The following CLIP1 variants were observed in gnomAD, a reference collection of about 807,000 sequenced individuals.
CLIP1 encodes CAP-Gly domain containing linker protein 1.
Under a neutral mutation model 161.6 loss-of-function variants are expected in CLIP1, and 66 were observed. The observed-to-expected ratio is 0.41, with a 90% CI of 0.33 to 0.50. The LOEUF is 0.50. Among genes scored for constraint, CLIP1 ranks in the 20% least tolerant of loss-of-function variants. The pLI is 0.27. For missense variants in CLIP1, 1,376 were observed against 1,702.0 expected (o/e 0.81, Z 3.37); for synonymous variants, 598 against 626.2 (o/e 0.96, Z 0.67).
chr12:122,304,213 T>C (rs1950786726), intron 20 of CLIP1, among the ~76,000 whole-genome samples: 1 of 152,204 alleles, frequency 6.6e-6, no homozygotes, highest in African/African-American at 2.4e-5. Context: ...TTCTTCAGTC[T>C]AATTTTTTCC....
In CLIP1 at chr12:122,311,069, A is replaced by G. The variant is rs1951046441; in HGVS notation, c.3474-1187T>C. On this transcript the variant is annotated intron_variant, in intron 19 of 25. Transcript: ENST00000620786. The surrounding 1 kb of genome is among the most constrained non-coding windows in gnomAD (Gnocchi z 4.3). Reference sequence around the variant, plus strand: ...ATTTTAGCCTCAGCTAGTCACTCACAAAAGAGATGCATATATATGAATCTC... The same window carrying G: ...ATTTTAGCCTCAGCTAGTCACTCACGAAAGAGATGCATATATATGAATCTC... Among the ~76,000 whole-genome samples, 1 of 152,196 alleles carries G rather than the reference A, an allele frequency of 6.6e-6. No homozygotes were observed. The highest frequency in any genetic ancestry group is 6.5e-5 in the Admixed American group (1 of 15,280).
chr12:122,358,087 T>C (rs866742160), intron 5 of CLIP1, among the ~76,000 whole-genome samples: 1 of 152,226 alleles, frequency 6.6e-6, no homozygotes, highest in African/African-American at 2.4e-5. Flanking sequence ...CATTTTGCTC[T>C]GTACTAAGAA....
intron 1 of CLIP1, among the ~76,000 whole-genome samples, chr12:122,385,055 C>T (rs1029370933): frequency 6.6e-6 from 1 of 151,468 alleles, no homozygotes; most frequent in African/African-American, 2.4e-5. Flanking sequence ...GCCTCAGACT[C>T]ATGAGTAGCT....
chr12:122,345,893 C>A (rs1042615887), intron 10 of CLIP1, among the ~76,000 whole-genome samples: 3 of 151,722 alleles, frequency 2.0e-5, no homozygotes, highest in African/African-American at 7.3e-5. Flanking sequence ...TCAAGTGATT[C>A]TCCTGCCTCA....
chr12:122,421,251 T>G (rs1033388201), intron 1 of CLIP1, among the ~76,000 whole-genome samples: 1 of 151,718 alleles, frequency 6.6e-6, no homozygotes, highest in African/African-American at 2.4e-5. Flanking sequence ...TAAATGTTCA[T>G]TGTTATAATT....
chr12:122,283,923 A>C (rs568408816), intron 21 of CLIP1, among the ~76,000 whole-genome samples: 19 of 152,280 alleles, frequency 1.2e-4, no homozygotes, highest in African/African-American at 4.6e-4. Flanking sequence ...GACCAACTAC[A>C]TTTCAAATAC....
chr12:122,279,303 T>G lies in CLIP1; in HGVS notation c.3648-158A>C, dbSNP rs1363295599. 5 of 458,114 alleles carry G rather than the reference T, an allele frequency of 1.1e-5. No homozygotes were observed. In the South Asian group the frequency reaches 2.3e-4, roughly 21 times the overall value. 28.4% of individuals were successfully genotyped at this position (458,114 alleles called of 1,614,324 possible). ...AGTTAAGGCCATTATGCTCACAAAATTTTACTTGAAATTTTACTTACTGTG... is the reference window on the plus strand; with the variant it reads ...AGTTAAGGCCATTATGCTCACAAAAGTTTACTTGAAATTTTACTTACTGTG... On this transcript the variant is annotated intron_variant, in intron 21 of 25. Transcript: ENST00000620786. The surrounding 1 kb of genome is among the most constrained non-coding windows in gnomAD (Gnocchi z 4.5).
At chr12:122,400,716 G>C (rs535169230) in intron 1 of CLIP1, 1 of 152,010 alleles carries the variant, frequency 6.6e-6, no homozygotes, top group Admixed American at 6.6e-5. Context: ...ATTTGTCTTC[G>C]CATCCAACGA....
intron 1 of CLIP1, among the ~76,000 whole-genome samples, chr12:122,417,510 CTTTT>C (rs35179677): frequency 3.2e-4 from 34 of 104,822 alleles, no homozygotes; most frequent in Non-Finnish European, 4.2e-4. Context: ...ATTATTCTGC[CTTTT>C]TTTTTTTTTT....
chr12:122,388,835 A>G (rs1410008794), intron 1 of CLIP1, among the ~76,000 whole-genome samples: 2 of 152,158 alleles, frequency 1.3e-5, no homozygotes, highest in East Asian at 1.9e-4. Flanking sequence ...TCGGCCTCCC[A>G]AAGTGCTGGG....
chr12:122,328,030 CCT>C lies in CLIP1; in HGVS notation c.3164_3165del (p.Glu1055GlyfsTer49). On this transcript the variant is annotated frameshift_variant, in exon 17 of 26. Transcript: ENST00000620786. LOFTEE classifies it high-confidence loss of function. The part of the protein sequence containing the change: ...QNLQKTLLDT[E>X]DKLKGAREEN... The stretch of plus-strand genomic sequence containing the variant: ...TCCTCCCGTGCGCCCTTCAGCTTGT[CCT>C]CTGTGTCCAGCAGCGTCTTCTGGAG... 1 of 1,614,210 alleles carries C rather than the reference CCT, an allele frequency of 6.2e-7. No homozygotes were observed. The highest frequency in any genetic ancestry group is 8.5e-7 in the Non-Finnish European group (1 of 1,180,042).
In CLIP1 at chr12:122,278,186, C is replaced by T; in HGVS notation, c.3934G>A (p.Ala1312Thr). The change falls in exon 24 of 26, where the codon GCA becomes ACA. Residue 1312 changes from alanine (A) to threonine (T), a missense_variant. By Grantham distance (58) the Ala-to-Thr change is moderately conservative. This residue lies in a region of CLIP1 where 948 missense variants were observed against 1,134.8 expected (regional missense o/e 0.84). Transcript: ENST00000620786. ...TCCTGGGCTCTTTCATCCTCGTCTG[C>T]CTGAGTGTCTGTATTACCTTATATT... ...SSSSGNTDTQ[A>T]DEDERAQESQ... 1 of 1,598,048 alleles carries T rather than the reference C, an allele frequency of 6.3e-7. No individual in the cohort carries two copies. The highest frequency in any genetic ancestry group is 8.5e-7 in the Non-Finnish European group (1 of 1,174,172).
At chr12:122,282,441 G>A (rs1301995034) in intron 21 of CLIP1, among the ~76,000 whole-genome samples, 1 of 152,106 alleles carries the variant, frequency 6.6e-6, no homozygotes, top group Non-Finnish European at 1.5e-5. Context: ...CATCTCCCAA[G>A]GGAACATTTT....
intron 3 of CLIP1, among the ~76,000 whole-genome samples, chr12:122,373,347 C>T (rs965161093): frequency 7.9e-5 from 12 of 151,662 alleles, no homozygotes; most frequent in African/African-American, 2.2e-4. Context: ...CGCTTGAACC[C>T]GGCAGGCAGA....
chr12:122,368,204 A>C (rs1954261361), intron 3 of CLIP1, among the ~76,000 whole-genome samples: 1 of 152,168 alleles, frequency 6.6e-6, no homozygotes, highest in Non-Finnish European at 1.5e-5. Flanking sequence ...TATTCAATAT[A>C]TATTTCTTGA....
At chr12:122,383,999 T>C (rs1030680143) in intron 1 of CLIP1, among the ~76,000 whole-genome samples, 2 of 152,164 alleles carry the variant, frequency 1.3e-5, no homozygotes, top group Non-Finnish European at 2.9e-5. Context: ...ACATAGAACA[T>C]TATAATTCAG....
chr12:122,301,764 T>C (rs930901217), intron 20 of CLIP1, among the ~76,000 whole-genome samples: 1 of 152,264 alleles, frequency 6.6e-6, no homozygotes, highest in Non-Finnish European at 1.5e-5. Context: ...TTAACGCTCA[T>C]GACCAGTCCT....
chr12:122,313,513 G>A (rs1219258235), intron 19 of CLIP1, among the ~76,000 whole-genome samples: 1 of 151,876 alleles, frequency 6.6e-6, no homozygotes, highest in Middle Eastern at 3.4e-3. Flanking sequence ...GATCACCTGA[G>A]GTTGGTAGTT....
At chr12:122,332,406 AACT>A (rs1336509966) in intron 15 of CLIP1, among the ~76,000 whole-genome samples, 1 of 151,940 alleles carries the variant, frequency 6.6e-6, no homozygotes, top group African/African-American at 2.4e-5. Flanking sequence ...GTCATTGGTA[AACT>A]ACTACCTTTT....
Sources: gnomAD v4.1 joint callset for allele counts (sites outside exome capture counted in the v4.1 genomes callset) on GRCh38, gnomAD v4.1.1 for gene constraint, gnomAD v4.1.1 regional missense constraint, Gnocchi (gnomAD v3.1) non-coding constraint, MANE v1.5 for transcripts, NCBI Gene and HGNC (gene_info 2026-07-23, HGNC 2026-07-21) for gene names.